Variants in SDCBP2 observed in about 807,000 individuals in gnomAD.
SDCBP2 encodes the protein syntenin-2.
A neutral mutation model predicts 30.7 loss-of-function variants in SDCBP2; 28 were observed. That is an observed-to-expected ratio of 0.91 (90% confidence interval 0.68 to 1.25). The LOEUF (loss-of-function observed/expected upper bound fraction) is 1.25. Among genes scored for constraint, SDCBP2 ranks in the 50% most tolerant of loss-of-function variants. The pLI, the probability that SDCBP2 is intolerant of heterozygous loss-of-function variation, is 0.00. For missense variants in SDCBP2, 399 were observed against 379.0 expected (o/e 1.05, Z -0.44); for synonymous variants, 166 against 157.3 (o/e 1.06, Z -0.41).
chr20:1,320,636 C>T lies in SDCBP2; in HGVS notation c.-19-201G>A, dbSNP rs940809041. The T allele has an allele frequency of 4.0e-5, 18 of 444,818 alleles. No homozygotes were observed. Among genetic ancestry groups the T allele is most frequent in the Non-Finnish European group, 6.9e-5 (17 of 247,882 alleles). 27.6% of individuals were successfully genotyped at this position (444,818 alleles called of 1,614,324 possible). On this transcript the variant is annotated intron_variant, in intron 1 of 8. Transcript: ENST00000360779. The surrounding 1 kb of genome is among the most constrained non-coding windows in gnomAD (Gnocchi z 4.7). ...CTACTGTATTCCACTCATCTCCAGCCTCACTGTCAACTTTTAATCTTGGCC... is the reference window on the plus strand; with the variant it reads ...CTACTGTATTCCACTCATCTCCAGCTTCACTGTCAACTTTTAATCTTGGCC...
rs1405620853 is a variant in SDCBP2 at position 1,324,799 on chromosome 20, T to C, written c.-20+4286A>G. On this transcript the variant is annotated intron_variant, in intron 1 of 8. Transcript: ENST00000360779. The surrounding 1 kb of genome is among the most constrained non-coding windows in gnomAD (Gnocchi z 4.7). ...CTCCGCGCTTTTATATAAATATATT[T>C]AGCCTTTGACTCAAGATGTCAGATA... Among the ~76,000 whole-genome samples, 1 of 152,198 alleles carries C rather than the reference T, an allele frequency of 6.6e-6. No individual in the cohort carries two copies. The highest frequency in any genetic ancestry group is 2.4e-5 in the African/African-American group (1 of 41,450).
chr20:1,310,889 G>C lies in SDCBP2; in HGVS notation c.735C>G (p.Asp245Glu). 3.1e-6 allele frequency: 5 copies of C among 1,613,182 alleles called. No homozygotes were observed. Among genetic ancestry groups the C allele is most frequent in the Non-Finnish European group, 4.2e-6 (5 of 1,179,272 alleles). Reference protein sequence around the residue: ...VDGQNVIGLKDKKIMEILATA... With the variant: ...VDGQNVIGLKEKKIMEILATA... ...TGGCCAGAATCTCCATGATCTTTTT[G>C]TCCTAGGGAGGAGGCAAGTAAGCGA... is the stretch of plus-strand genomic sequence containing the variant. The change falls in exon 8 of 9, where the codon GAC becomes GAG. Residue 245 changes from aspartate to glutamate, a missense_variant and splice_region_variant. By Grantham distance (45) the Asp-to-Glu change is conservative. Transcript: ENST00000360779.
At chr20:1,325,763 C>G (rs181285457) in intron 1 of SDCBP2, 1 of 152,290 alleles carries the variant, frequency 6.6e-6, no homozygotes, top group African/African-American at 2.4e-5. Flanking sequence ...CCTTTGGTTT[C>G]GAAAGCGTCA....
At chr20:1,310,611 A>G (rs2088648326) in intron 8 of SDCBP2, 116 bp from the exon 9 acceptor site, 1 of 1,116,716 alleles carries the variant, frequency 9.0e-7, no homozygotes, top group Non-Finnish European at 1.3e-6. Flanking sequence ...CAGTTCTAAG[A>G]CTTTCGAATC....
Position 1,318,367 on chromosome 20 carries a change from G to A in SDCBP2, c.176C>T (p.Ser59Phe). Residue 59 changes from serine (S) to phenylalanine (F), a missense_variant, in exon 4 of 9, where the codon TCC (serine) becomes TTC (phenylalanine). Ser to Phe is a radical substitution (Grantham distance 155). Coordinates refer to ENST00000360779, the MANE Select transcript of SDCBP2 (RefSeq NM_080489.5). ...CAGGCTCTCCTGGACTTCTTGGCTG[G>A]AGAGGGAAAGACCCATATAATTTTC... is the stretch of plus-strand genomic sequence containing the variant. The part of the protein sequence containing the change: ...ELENYMGLSL[S>F]SQEVQESLLQ... 1 of 1,613,492 alleles carries A rather than the reference G, an allele frequency of 6.2e-7. No homozygotes were observed. Among genetic ancestry groups the A allele is most frequent in the Non-Finnish European group, 8.5e-7 (1 of 1,179,762 alleles).
chr20:1,314,895 G>A (rs999209642), intron 4 of SDCBP2, among the ~76,000 whole-genome samples: 4 of 152,282 alleles, frequency 2.6e-5, no homozygotes, highest in Middle Eastern at 3.4e-3. Flanking sequence ...CTGTATTCAC[G>A]TGTTGAAAGA....
chr20:1,327,945 T>C (rs1436899462), intron 1 of SDCBP2, among the ~76,000 whole-genome samples: 1 of 152,192 alleles, frequency 6.6e-6, no homozygotes, highest in Non-Finnish European at 1.5e-5. Flanking sequence ...GCTGGATAAA[T>C]AGGCTTTGTG....
intron 4 of SDCBP2, among the ~76,000 whole-genome samples, chr20:1,314,447 AC>A (rs771032984): frequency 2.4e-5 from 3 of 124,716 alleles, no homozygotes; most frequent in African/African-American, 6.1e-5. Flanking sequence ...AGACTGAGCC[AC>A]TGCTCAGTCC....
chr20:1,313,220 T>C lies in SDCBP2; in HGVS notation c.384+120A>G. The C allele has an allele frequency of 9.3e-7, 1 of 1,079,924 alleles. No homozygotes were observed. The highest frequency in any genetic ancestry group is 1.5e-5 in the South Asian group (1 of 68,140). The allele number at this position is 1,079,924 out of a possible 1,614,324, so 66.9% of individuals were successfully genotyped here. On this transcript the variant is annotated intron_variant, in intron 5 of 8. Coordinates refer to ENST00000360779, the MANE Select transcript of SDCBP2 (RefSeq NM_080489.5). This position sits in a 1 kb window ranked among gnomAD's most constrained non-coding sequence, Gnocchi z 5.2. ...GGACTGGGGGCAAGAGCCTGGCCGCTGGGGTTAGGAGGCCCGCTCTGCACC... is the reference window on the plus strand; with the variant it reads ...GGACTGGGGGCAAGAGCCTGGCCGCCGGGGTTAGGAGGCCCGCTCTGCACC...
intron 4 of SDCBP2, among the ~76,000 whole-genome samples, chr20:1,315,294 A>G (rs2088760895): frequency 6.6e-6 from 1 of 152,120 alleles, no homozygotes; most frequent in Non-Finnish European, 1.5e-5. Context: ...CTTTGGGAGG[A>G]CAACACAGGG....
rs1009179766 is a variant in SDCBP2 at position 1,313,428 on chromosome 20, C to T, written c.296G>A (p.Arg99Gln). Residue 99 changes from arginine (R) to glutamine (Q), a missense_variant, in exon 5 of 9, where the codon CGA (arginine) becomes CAA (glutamine). Physicochemically the swap from Arg to Gln is conservative, Grantham distance 43 (BLOSUM62 1). Transcript: ENST00000360779. This position sits in a 1 kb window ranked among gnomAD's most constrained non-coding sequence, Gnocchi z 5.2. ...PVTGYSLGVR[R>Q]AEIKPGVREI... is the part of the protein sequence containing the mutation. ...GCGCACCCCGGGCTTGATCTCAGCTCGCCGCACGCCCAGGCTGTACCCGGT... is the reference window on the plus strand; with the variant it reads ...GCGCACCCCGGGCTTGATCTCAGCTTGCCGCACGCCCAGGCTGTACCCGGT... The T allele has an allele frequency of 1.9e-6, 3 of 1,604,050 alleles. No individual in the cohort carries two copies. Among genetic ancestry groups the T allele is most frequent in the Admixed American group, 3.4e-5 (2 of 59,332 alleles).
In SDCBP2 at chr20:1,313,309, C is replaced by T; in HGVS notation, c.384+31G>A. The T allele has an allele frequency of 1.2e-6, 2 of 1,603,018 alleles. No individual in the cohort carries two copies. Among genetic ancestry groups the T allele is most frequent in the Non-Finnish European group, 1.7e-6 (2 of 1,175,910 alleles). On this transcript the variant is annotated intron_variant, in intron 5 of 8. Transcript: ENST00000360779. The surrounding 1 kb of genome is among the most constrained non-coding windows in gnomAD (Gnocchi z 5.2). ...GGCGGGAGAGCGCGTGCAGCTCGAG[C>T]TCCTCTTCCCACCCAGCCCCCGCGC...
At chr20:1,311,818 G>C (rs1253517535) in intron 7 of SDCBP2, among the ~76,000 whole-genome samples, 5 of 151,756 alleles carry the variant, frequency 3.3e-5, no homozygotes, top group African/African-American at 4.8e-5. Flanking sequence ...GCAAGGAGGT[G>C]TCCATGCAGC....
Position 1,310,865 on chromosome 20 carries a change from G to A in SDCBP2, c.759C>T (p.Ala253=). 1 of 1,613,980 alleles carries A rather than the reference G, an allele frequency of 6.2e-7. No homozygotes were observed. The highest frequency in any genetic ancestry group is 1.1e-5 in the South Asian group (1 of 91,072). The change falls in exon 8 of 9, where the codon GCC becomes GCT. Residue 253 remains alanine, a synonymous_variant. Coordinates refer to ENST00000360779, the MANE Select transcript of SDCBP2 (RefSeq NM_080489.5). ...TCAGGGTGACAACGTTCCCAGCCGT[G>A]GCCAGAATCTCCATGATCTTTTTGT... The part of the protein sequence containing the change: ...LKDKKIMEIL[A]TAGNVVTLTI...
rs191354487 is a variant in SDCBP2 at position 1,311,203 on chromosome 20, G to A, written c.733-312C>T. The A allele has an allele frequency of 1.3e-4, 36 of 269,888 alleles. 2 individuals carry two copies. The highest frequency in any genetic ancestry group is 4.8e-4 in the African/African-American group (22 of 46,190). The allele number at this position is 269,888 out of a possible 1,614,324, so 16.7% of individuals were successfully genotyped here. ...ACGCGTAACAGGGCCTCATCAATGCGATTCTCCTCCCCCTTCCAAGGGCTC... is the reference window on the plus strand; with the variant it reads ...ACGCGTAACAGGGCCTCATCAATGCAATTCTCCTCCCCCTTCCAAGGGCTC... On this transcript the variant is annotated intron_variant, in intron 7 of 8. Coordinates refer to ENST00000360779, the MANE Select transcript of SDCBP2 (RefSeq NM_080489.5).
intron 4 of SDCBP2, among the ~76,000 whole-genome samples, chr20:1,315,972 G>A (rs1313106212): frequency 6.6e-6 from 1 of 152,140 alleles, no homozygotes; most frequent in Non-Finnish European, 1.5e-5. Context: ...GCATGGTGGT[G>A]TGCACCTGTG....
chr20:1,319,581 C>T lies in SDCBP2; in HGVS notation c.124+9G>A, dbSNP rs771232928. 3.8e-6 allele frequency: 6 copies of T among 1,562,320 alleles called. No individual in the cohort carries two copies. The African/African-American group carries it at 4.0e-5, about 11-fold the overall frequency. On this transcript the variant is annotated intron_variant, in intron 3 of 8. Transcript: ENST00000360779. ...GGCACCCAGGAGCCCCTCATCCCAG[C>T]CCACTCACCTGGTGGTGGGGAAATG...
intron 3 of SDCBP2, among the ~76,000 whole-genome samples, chr20:1,318,734 T>C (rs1021274020): frequency 6.6e-6 from 1 of 152,202 alleles, no homozygotes; most frequent in African/African-American, 2.4e-5. Context: ...AATCCCTTCT[T>C]ATAAGGATTT....
intron 4 of SDCBP2, among the ~76,000 whole-genome samples, chr20:1,317,178 G>T (rs2088789567): frequency 6.6e-6 from 1 of 151,724 alleles, no homozygotes; most frequent in African/African-American, 2.4e-5. Context: ...TGCAGTACTG[G>T]TTACATGAAT....
Sources: gnomAD v4.1 joint callset for allele counts (sites outside exome capture counted in the v4.1 genomes callset) on GRCh38, gnomAD v4.1.1 for gene constraint, Gnocchi (gnomAD v3.1) non-coding constraint, MANE v1.5 for transcripts, NCBI Gene and HGNC (gene_info 2026-07-23, HGNC 2026-07-21) for gene names.